PUM1: variants seen among roughly 807,000 people sequenced by gnomAD.
PUM1 encodes pumilio RNA binding family member 1.
In PUM1, 13 loss-of-function variants were observed where a neutral mutation model predicts 131.8. That is an observed-to-expected ratio of 0.10 (90% CI 0.06 to 0.16). The LOEUF (loss-of-function observed/expected upper bound fraction) is 0.16. Ranked by LOEUF, PUM1 falls within the 10% of genes least tolerant of loss-of-function variation. PUM1 has a pLI of 1.00. For missense variants in PUM1, 961 were observed against 1,512.4 expected (o/e 0.64, Z 6.05); for synonymous variants, 509 against 556.5 (o/e 0.91, Z 1.20).
chr1:30,996,301 G>T (rs1010368617), intron 5 of PUM1, among the ~76,000 whole-genome samples: 1 of 152,192 alleles, frequency 6.6e-6, no homozygotes, highest in African/African-American at 2.4e-5. Flanking sequence ...AATAGAAGAT[G>T]AGAGTGGCTG....
In PUM1 at chr1:30,953,812, C is replaced by T. The variant is rs1192072364; in HGVS notation, c.2493G>A (p.Arg831=). ...GGTTGTTTCGAAAATCTTCCAAAAGCCTGCTCCTGCCAGAAGGCATGACAT... is the reference window on the plus strand; with the variant it reads ...GGTTGTTTCGAAAATCTTCCAAAAGTCTGCTCCTGCCAGAAGGCATGACAT... ...MSDVMPSGRS[R]LLEDFRNNRY... is the part of the protein sequence containing the mutation. Residue 831 remains arginine, a synonymous_variant, in exon 15 of 22, where the codon AGG becomes AGA. Coordinates refer to ENST00000426105, the MANE Select transcript of PUM1 (RefSeq NM_001020658.2). 3.1e-6 allele frequency: 5 copies of T among 1,614,204 alleles called. No individual in the cohort carries two copies. Among genetic ancestry groups the T allele is most frequent in the African/African-American group, 1.3e-5 (1 of 75,052 alleles).
At chr1:30,965,617 G>A (rs996034471) in intron 13 of PUM1, among the ~76,000 whole-genome samples, 13 of 152,156 alleles carry the variant, frequency 8.5e-5, no homozygotes, top group South Asian at 6.2e-4. Flanking sequence ...CCAAGAACTC[G>A]GCTCAGTCTC....
intron 2 of PUM1, among the ~76,000 whole-genome samples, chr1:31,052,950 C>T (rs1226356267): frequency 6.6e-6 from 1 of 151,626 alleles, no homozygotes; most frequent in African/African-American, 2.4e-5. Flanking sequence ...CTGATCCGCC[C>T]ACCTCGGCCT....
chr1:30,986,896 T>C (rs1641584335), intron 7 of PUM1, among the ~76,000 whole-genome samples: 1 of 152,182 alleles, frequency 6.6e-6, no homozygotes, highest in South Asian at 2.1e-4. Context: ...AGAATGACAT[T>C]TAATCACACT....
At chr1:31,008,400 A>G (rs79152765) in intron 3 of PUM1, among the ~76,000 whole-genome samples, 2 of 62,352 alleles carry the variant, frequency 3.2e-5, no homozygotes, top group Admixed American at 1.3e-4. Context: ...AAGATTGAGA[A>G]AAAAAAAAAA....
chr1:30,998,230 A>G (rs1419522989), intron 5 of PUM1, among the ~76,000 whole-genome samples: 1 of 152,252 alleles, frequency 6.6e-6, no homozygotes, highest in Non-Finnish European at 1.5e-5. Context: ...AAAAGAAAAA[A>G]GAAACTCAAG....
At chr1:30,935,380 G>A (rs565517392) in intron 21 of PUM1, among the ~76,000 whole-genome samples, 5 of 152,202 alleles carry the variant, frequency 3.3e-5, no homozygotes, top group Admixed American at 2.0e-4. Flanking sequence ...GCCCATTCCT[G>A]GACAACCCTT....
At chr1:30,934,734 C>T (rs759647754) in intron 21 of PUM1, among the ~76,000 whole-genome samples, 1 of 152,166 alleles carries the variant, frequency 6.6e-6, no homozygotes, top group Non-Finnish European at 1.5e-5. Flanking sequence ...TAGAAAATAA[C>T]TGAAATCCAA....
intron 1 of PUM1, among the ~76,000 whole-genome samples, chr1:31,059,932 C>T (rs1275513660): frequency 2.0e-5 from 3 of 151,762 alleles, no homozygotes; most frequent in Non-Finnish European, 2.9e-5. Flanking sequence ...CTACAGCCTC[C>T]GCCTCCTAGA....
At chr1:30,992,017 T>C (rs1305815731) in intron 7 of PUM1, among the ~76,000 whole-genome samples, 1 of 152,142 alleles carries the variant, frequency 6.6e-6, no homozygotes, top group African/African-American at 2.4e-5. Flanking sequence ...CGGTGGATAG[T>C]AGAGTTTACT....
At chr1:31,014,434 G>C (rs1201724428) in intron 3 of PUM1, among the ~76,000 whole-genome samples, 1 of 151,584 alleles carries the variant, frequency 6.6e-6, no homozygotes, top group Non-Finnish European at 1.5e-5. Context: ...CACTTGAGGA[G>C]TTCAAGACCA....
At chr1:30,967,476 A>G (rs1248741871) in intron 11 of PUM1, among the ~76,000 whole-genome samples, 166 bp from the exon 12 acceptor site, 1 of 152,218 alleles carries the variant, frequency 6.6e-6, no homozygotes, top group African/African-American at 2.4e-5. Context: ...GCTACAAATG[A>G]TTATAAAAAT....
At chr1:30,958,468 G>A (rs1304238618) in intron 14 of PUM1, among the ~76,000 whole-genome samples, 1 of 152,110 alleles carries the variant, frequency 6.6e-6, no homozygotes, top group African/African-American at 2.4e-5. Flanking sequence ...AACTGTACCT[G>A]CTACCTCTTG....
At chr1:31,003,396 C>A (rs1642285034) in intron 5 of PUM1, among the ~76,000 whole-genome samples, 1 of 152,158 alleles carries the variant, frequency 6.6e-6, no homozygotes, top group Admixed American at 6.5e-5. Context: ...CAGGTGTCAT[C>A]CTGACCAACA....
At chr1:31,037,630 T>A (rs1643655362) in intron 2 of PUM1, among the ~76,000 whole-genome samples, 1 of 149,306 alleles carries the variant, frequency 6.7e-6, no homozygotes, top group Non-Finnish European at 1.5e-5. Context: ...TGAGGCAGGA[T>A]AACTGCTTGA....
chr1:31,033,736 A>ATT (rs1261414507), intron 2 of PUM1, among the ~76,000 whole-genome samples: 2 of 152,116 alleles, frequency 1.3e-5, no homozygotes, highest in East Asian at 3.9e-4. Flanking sequence ...ATCACAGCTC[A>ATT]CTACAGCCTC....
In PUM1 at chr1:31,059,358, C is replaced by T; in HGVS notation, c.209G>A (p.Gly70Glu). ...THSSPVPGSI[G>E]VAGRSQDDAM... Reference sequence around the variant, plus strand: ...GTCGTCCTGGGAACGGCCTGCAACTCCTATAGATCCTGGGACAGGGCTGGA... The same window carrying T: ...GTCGTCCTGGGAACGGCCTGCAACTTCTATAGATCCTGGGACAGGGCTGGA... The change falls in exon 2 of 22, where the codon GGA (glycine) becomes GAA (glutamate). Residue 70 changes from glycine to glutamate, a missense_variant. Coordinates refer to ENST00000426105, the MANE Select transcript of PUM1 (RefSeq NM_001020658.2). 3 of 1,614,156 alleles carry T rather than the reference C, an allele frequency of 1.9e-6. No homozygotes were observed. Among genetic ancestry groups the T allele is most frequent in the Non-Finnish European group, 2.5e-6 (3 of 1,180,036 alleles).
In PUM1 at chr1:31,055,704, G is replaced by A. The variant is rs201092220; in HGVS notation, c.363+3500C>T. ...TGACCTGGATAAAACTGCTCAGTAA[G>A]TCAGATGTGATTCCTTATGATAGGG... is the stretch of plus-strand genomic sequence containing the variant. On this transcript the variant is annotated intron_variant, in intron 2 of 21. Coordinates refer to ENST00000426105, the MANE Select transcript of PUM1 (RefSeq NM_001020658.2). Among the ~76,000 whole-genome samples, 35 of 152,330 alleles carry A rather than the reference G, an allele frequency of 2.3e-4. 1 individual carries two copies. In the East Asian group the frequency reaches 6.2e-3, roughly 27 times the overall value.
intron 17 of PUM1, among the ~76,000 whole-genome samples, chr1:30,947,951 G>A (rs533550359): frequency 9.2e-4 from 139 of 151,400 alleles, no homozygotes; most frequent in African/African-American, 3.1e-3. Flanking sequence ...AACCTCCCGG[G>A]CTCAAGCGAT....
Sources: allele counts gnomAD v4.1 joint callset (sites outside exome capture counted in the v4.1 genomes callset), GRCh38; gene constraint gnomAD v4.1.1; transcripts MANE v1.5; gene names NCBI Gene and HGNC (gene_info 2026-07-23, HGNC 2026-07-21).